Variants in OCIAD1 observed in about 807,000 individuals in gnomAD.
The protein encoded by OCIAD1 is OCIA domain-containing protein 1.
OCIAD1 carries 29 observed loss-of-function variants against 38.9 expected under a neutral mutation model. That is an observed-to-expected ratio of 0.74 (90% CI 0.55 to 1.02). The LOEUF (loss-of-function observed/expected upper bound fraction) is 1.02, where lower values mean the gene tolerates loss of function less well. OCIAD1 is among the 50% of genes least tolerant of loss of function. OCIAD1 has a pLI of 0.00. For missense variants in OCIAD1, 288 were observed against 289.6 expected (o/e 0.99, Z 0.04); for synonymous variants, 110 against 92.0 (o/e 1.20, Z -1.12).
At chr4:48,812,721 T>C (rs888895719) in intron 1 of OCIAD1, among the ~76,000 whole-genome samples, 1 of 151,994 alleles carries the variant, frequency 6.6e-6, no homozygotes, top group Non-Finnish European at 1.5e-5. Flanking sequence ...AAGAGAGGAA[T>C]TGGACACAGG....
At chr4:48,845,153 GA>G (rs1360764740) in intron 4 of OCIAD1, among the ~76,000 whole-genome samples, 6 of 150,036 alleles carry the variant, frequency 4.0e-5, no homozygotes, top group Non-Finnish European at 7.4e-5. Flanking sequence ...ACATTAAAAA[GA>G]AAAAAAAATC....
chr4:48,851,028 G>T (rs758739508), intron 6 of OCIAD1, among the ~76,000 whole-genome samples: 7 of 152,308 alleles, frequency 4.6e-5, no homozygotes, highest in Non-Finnish European at 1.0e-4. Flanking sequence ...TCTCTTAACA[G>T]ATTTCAGCTT....
At chr4:48,831,583 A>T in intron 1 of OCIAD1, 1 of 1,283,090 alleles carries the variant, frequency 7.8e-7, no homozygotes, top group South Asian at 1.2e-5. Context: ...TGTTTTGTGT[A>T]AAGAACTTAA....
intron 7 of OCIAD1, chr4:48,856,018 G>A (rs1376421579): frequency 6.6e-6 from 1 of 151,844 alleles, no homozygotes. Context: ...AGTACTTTTG[G>A]TGTGGTATGT....
intron 1 of OCIAD1, chr4:48,831,541 G>C (rs367592658): frequency 1.2e-4 from 157 of 1,290,640 alleles, no homozygotes; most frequent in Non-Finnish European, 1.5e-4. Context: ...GGTAATCAGC[G>C]GTTGTAGGCC....
upstream of OCIAD1, chr4:48,831,010 C>G (rs147240158): frequency 3.9e-3 from 702 of 177,818 alleles, 9 homozygotes; most frequent in African/African-American, 0.015. Context: ...TCCTAGGCTG[C>G]TGGCTCTCAG....
chr4:48,830,232 C>G (rs750377608), upstream of OCIAD1, among the ~76,000 whole-genome samples: 7 of 152,152 alleles, frequency 4.6e-5, no homozygotes, highest in Non-Finnish European at 1.0e-4. Flanking sequence ...GGAAACACAG[C>G]GTTGGATTCG....
rs552657050 is a variant in OCIAD1, at chr4:48,809,715, G to A, written c.-103+4385G>A. Among the ~76,000 whole-genome samples, 4 of 152,108 alleles carry A rather than the reference G, an allele frequency of 2.6e-5. No individual in the cohort carries two copies. In the East Asian group the frequency reaches 7.7e-4, roughly 29 times the overall value. On this transcript the variant is annotated intron_variant, in intron 1 of 6. Coordinates refer to the OCIAD1 transcript ENST00000504654. ...GCCCAAGCACCCCACTCTTTCACCTGTTGGTGCATATGCTGCACTTTCTGC... is the reference window on the plus strand; with the variant it reads ...GCCCAAGCACCCCACTCTTTCACCTATTGGTGCATATGCTGCACTTTCTGC...
At chr4:48,817,958 A>G (rs1276361857) in intron 1 of OCIAD1, among the ~76,000 whole-genome samples, 1 of 152,200 alleles carries the variant, frequency 6.6e-6, no homozygotes, top group Non-Finnish European at 1.5e-5. Flanking sequence ...ACCTGGGGGA[A>G]GGGGTGGTTG....
chr4:48,809,408 C>A (rs1297841470), intron 1 of OCIAD1, among the ~76,000 whole-genome samples: 1 of 151,820 alleles, frequency 6.6e-6, no homozygotes, highest in Non-Finnish European at 1.5e-5. Context: ...CCAATAATCC[C>A]AGCTACTTAG....
At chr4:48,819,324 A>T (rs183670464) in intron 1 of OCIAD1, among the ~76,000 whole-genome samples, 110 of 152,214 alleles carry the variant, frequency 7.2e-4, no homozygotes, top group Non-Finnish European at 1.1e-3. Flanking sequence ...GAGTAACAAA[A>T]TCCTATACAG....
chr4:48,857,264 A>G lies in OCIAD1; in HGVS notation c.599A>G (p.Glu200Gly). The change falls in exon 8 of 9, where the codon GAG becomes GGG. Residue 200 changes from glutamate to glycine, a missense_variant. Coordinates refer to ENST00000264312, the MANE Select transcript of OCIAD1 (RefSeq NM_017830.4). Reference sequence around the variant, plus strand: ...CCTAAAAGAAAAAATATTACATATGAGGAATTAAGGAATAAGAACAGAGAG... The same window carrying G: ...CCTAAAAGAAAAAATATTACATATGGGGAATTAAGGAATAAGAACAGAGAG... ...ESPKRKNITY[E>G]ELRNKNRESY... is the part of the protein sequence containing the mutation. 1 of 1,586,478 alleles carries G rather than the reference A, an allele frequency of 6.3e-7. No individual in the cohort carries two copies. Among genetic ancestry groups the G allele is most frequent in the Non-Finnish European group, 8.6e-7 (1 of 1,166,758 alleles).
chr4:48,849,327 A>G (rs1779228752), intron 5 of OCIAD1, among the ~76,000 whole-genome samples: 1 of 152,110 alleles, frequency 6.6e-6, no homozygotes, highest in African/African-American at 2.4e-5. Context: ...TAAATAAAAG[A>G]AAAAGAAGCT....
chr4:48,834,005 T>C (rs1777759942), intron 3 of OCIAD1, among the ~76,000 whole-genome samples: 1 of 152,098 alleles, frequency 6.6e-6, no homozygotes, highest in Non-Finnish European at 1.5e-5. Flanking sequence ...TAAAGAAATA[T>C]ATATATATTT....
intron 6 of OCIAD1, among the ~76,000 whole-genome samples, chr4:48,850,518 G>C (rs1418167048): frequency 6.6e-6 from 1 of 152,136 alleles, no homozygotes; most frequent in Non-Finnish European, 1.5e-5. Flanking sequence ...CTCCTGCTTT[G>C]GCTTCCCAAA....
intron 6 of OCIAD1, among the ~76,000 whole-genome samples, chr4:48,850,648 A>T (rs1047413441): frequency 1.1e-4 from 16 of 152,084 alleles, no homozygotes; most frequent in Admixed American, 1.0e-3. Flanking sequence ...ATCTCGGCTC[A>T]CTGCAACCTC....
At chr4:48,851,093 G>T (rs1779415104) in intron 6 of OCIAD1, among the ~76,000 whole-genome samples, 1 of 152,228 alleles carries the variant, frequency 6.6e-6, no homozygotes, top group African/African-American at 2.4e-5. Context: ...CCATGAGAGA[G>T]AATTTGTATC....
chr4:48,809,575 C>A (rs1318938326), intron 1 of OCIAD1, among the ~76,000 whole-genome samples: 1 of 151,958 alleles, frequency 6.6e-6, no homozygotes, highest in Non-Finnish European at 1.5e-5. Context: ...AATGTAAAAT[C>A]CTAACTATGA....
intron 1 of OCIAD1, among the ~76,000 whole-genome samples, chr4:48,820,338 G>GT (rs760150921): frequency 1.8e-4 from 28 of 152,126 alleles, no homozygotes; most frequent in Non-Finnish European, 3.1e-4. Context: ...AAATAAATGA[G>GT]TTTTTTGAAA....
Sources: gnomAD v4.1 joint callset for allele counts (sites outside exome capture counted in the v4.1 genomes callset) on GRCh38, gnomAD v4.1.1 for gene constraint, MANE v1.5 for transcripts, NCBI Gene and HGNC (gene_info 2026-07-23, HGNC 2026-07-21) for gene names.